Variants in FAAP100 observed in about 807,000 individuals in gnomAD.
The protein encoded by FAAP100 is Fanconi anemia core complex-associated protein 100.
Under a neutral mutation model 65.8 loss-of-function variants are expected in FAAP100, and 46 were observed. The observed-to-expected ratio is 0.70, with a 90% CI of 0.55 to 0.89. The LOEUF is 0.89. Among genes scored for constraint, FAAP100 ranks in the 40% least tolerant of loss-of-function variants. FAAP100 has a pLI of 0.00. For synonymous variants in FAAP100, 663 were observed against 555.1 expected (o/e 1.19, Z -2.73); for missense variants, 1,165 against 1,196.7 (o/e 0.97, Z 0.39).
intron 2 of FAAP100, 92 bp downstream of exon 2, chr17:81,551,836 G>A (rs1376999791): frequency 2.9e-6 from 4 of 1,397,806 alleles, no homozygotes; most frequent in Non-Finnish European, 3.7e-6. Flanking sequence ...GGCAGCCCGG[G>A]TCCCCAAGCG....
intron 8 of FAAP100, 143 bp downstream of exon 8, chr17:81,541,166 C>T (rs2033079931): frequency 2.7e-6 from 3 of 1,123,874 alleles, no homozygotes; most frequent in South Asian, 1.5e-5. Context: ...GCCATGGCCG[C>T]TCGGACTTTG....
intron 5 of FAAP100, 123 bp from the exon 6 acceptor site, chr17:81,546,005 C>A: frequency 7.8e-7 from 1 of 1,278,946 alleles, no homozygotes; most frequent in Non-Finnish European, 1.0e-6. Context: ...CTAAGCATCC[C>A]AGCTGTCCCC....
In FAAP100 at chr17:81,541,344, C is replaced by A; in HGVS notation, c.2479G>T (p.Val827Leu). The change falls in exon 8 of 9, where the codon GTG becomes TTG. Residue 827 changes from valine (V) to leucine (L), a missense_variant. Val to Leu is a conservative substitution (Grantham distance 32). Coordinates refer to ENST00000327787, the MANE Select transcript of FAAP100 (RefSeq NM_025161.6). The stretch of plus-strand genomic sequence containing the variant: ...GCGTGGATCTGGCGGAGGTACTGCA[C>A]ACGGAGATCAGGAGCGCTGGAGCCC... The part of the protein sequence containing the change: ...TQGSSAPDLR[V>L]QYLRQIHANH... The A allele has an allele frequency of 6.2e-7, 1 of 1,611,904 alleles. No individual in the cohort carries two copies. Among genetic ancestry groups the A allele is most frequent in the Non-Finnish European group, 8.5e-7 (1 of 1,179,860 alleles).
chr17:81,548,483 A>G (rs56737642), intron 4 of FAAP100: 59,810 of 160,992 alleles, frequency 0.37, 12,532 homozygotes, highest in Non-Finnish European at 0.48. Flanking sequence ...TCACGCCTGT[A>G]ATCCCAGCAC....
At position 81,543,404 on chromosome 17, in the gene FAAP100, C is replaced by T. The variant is rs534871329; in HGVS notation, c.2427+600G>A. On this transcript the variant is annotated intron_variant, in intron 7 of 8. Coordinates refer to ENST00000327787, the MANE Select transcript of FAAP100 (RefSeq NM_025161.6). The stretch of plus-strand genomic sequence containing the variant: ...AAAGCTGCGCTACAGTCCTAGCGGG[C>T]GGGCGTGACGGATGCCTTCCCGCGG... 6.6e-5 allele frequency among the ~76,000 whole-genome samples: 10 copies of T among 152,324 alleles called. No homozygotes were observed. The South Asian group carries it at 1.2e-3, about 19-fold the overall frequency.
intron 2 of FAAP100, among the ~76,000 whole-genome samples, 170 bp from the exon 3 acceptor site, chr17:81,551,373 T>A (rs573673278): frequency 3.3e-5 from 5 of 152,324 alleles, no homozygotes; most frequent in African/African-American, 1.2e-4. Context: ...CGAAGGATAC[T>A]CTTGACAAGA....
intron 5 of FAAP100, 24 bp from the exon 6 acceptor site, chr17:81,545,906 AGCTCAGCCTGATCCTACCAGGTGG>A: frequency 6.3e-7 from 1 of 1,594,674 alleles, no homozygotes; most frequent in South Asian, 1.1e-5. Context: ...ATCAGCCGAG[AGCTCAGCCTGATCCTACCAGGTGG>A]GCTCAGCCGA....
In FAAP100 at chr17:81,552,249, C is replaced by G. The variant is rs189173983; in HGVS notation, c.82G>C (p.Val28Leu). Residue 28 changes from valine to leucine, a missense_variant, in exon 1 of 9, where the codon GTG becomes CTG. Transcript: ENST00000327787. ...LGGLAAGKPRVLCHEAEVFLS... is the reference protein window; with the variant it reads ...LGGLAAGKPRLLCHEAEVFLS... ...AAGACCTCTGCCTCATGGCACAGCA[C>G]GCGGGGCTTGCCCGCCGCCAGGCCC... 1.5e-3 allele frequency: 2,284 copies of G among 1,484,786 alleles called. 14 individuals are homozygous for G. The African/African-American group carries it at 0.017, about 11-fold the overall frequency. 92.0% of individuals were successfully genotyped at this position (1,484,786 alleles called of 1,614,324 possible). A position where few individuals can be genotyped will look rare whatever the true frequency, so the allele number is the denominator to read the frequency against.
In FAAP100 at chr17:81,550,771, G is replaced by A. The variant is rs766595162; in HGVS notation, c.723C>T (p.Val241=). 7.4e-6 allele frequency: 12 copies of A among 1,612,648 alleles called. No homozygotes were observed. The South Asian group carries it at 1.2e-4, about 16-fold the overall frequency. ...GCTGGCCATCAGGGAGACCACAGAG[G>A]ACCACAGGTGACTGCAGGAGGGTGG... The part of the protein sequence containing the change: ...ADATLLQSPV[V]LCGLPDGQLC... The change falls in exon 3 of 9, where the codon GTC becomes GTT. Residue 241 remains valine, a synonymous_variant. Transcript: ENST00000327787.
At chr17:81,544,411 A>C (rs1162168877) in intron 6 of FAAP100, among the ~76,000 whole-genome samples, 1 of 152,232 alleles carries the variant, frequency 6.6e-6, no homozygotes, top group Non-Finnish European at 1.5e-5. Flanking sequence ...GCCTCGAGCC[A>C]GACTGGGGCC....
intron 5 of FAAP100, 46 bp from the exon 6 acceptor site, chr17:81,545,928 T>A (rs1020491643): frequency 6.3e-7 from 1 of 1,577,080 alleles, no homozygotes; most frequent in Admixed American, 1.7e-5. Context: ...TCCTACCAGG[T>A]GGGCTCAGCC....
chr17:81,549,128 A>T, intron 4 of FAAP100, 78 bp downstream of exon 4: 5 of 1,521,408 alleles, frequency 3.3e-6, no homozygotes, highest in Non-Finnish European at 4.4e-6. Flanking sequence ...ACTCACACCC[A>T]GGACGACCCC....
At chr17:81,549,492 G>A (rs1827294739) in intron 3 of FAAP100, 130 bp from the exon 4 acceptor site, 2 of 1,222,604 alleles carry the variant, frequency 1.6e-6, no homozygotes, top group Non-Finnish European at 2.2e-6. Flanking sequence ...GTGAGGAAGA[G>A]AAAGTCCCAA....
Position 81,547,184 on chromosome 17 carries a change from G to T in FAAP100, c.1898C>A (p.Pro633His), listed in dbSNP as rs2033336175. ...GGGCAGGCAAACACCCTCTTGCTCG[G>T]GCAGGACGTCGGAGGGGCACTCATC... ...FLDECPSDVL[P>H]EQEGVCLPLS... Residue 633 changes from proline (P) to histidine (H), a missense_variant, in exon 5 of 9, where the codon CCC becomes CAC. Transcript: ENST00000327787. 1 of 1,553,298 alleles carries T rather than the reference G, an allele frequency of 6.4e-7. No individual in the cohort carries two copies. Among genetic ancestry groups the T allele is most frequent in the Admixed American group, 1.8e-5 (1 of 54,242 alleles).
intron 7 of FAAP100, among the ~76,000 whole-genome samples, chr17:81,542,860 G>GACTT (rs2033165863): frequency 6.6e-6 from 1 of 152,238 alleles, no homozygotes; most frequent in South Asian, 2.1e-4. Flanking sequence ...CAGGGGATGG[G>GACTT]ACTTTCTTGG....
At chr17:81,542,068 G>C (rs1173929091) in intron 7 of FAAP100, among the ~76,000 whole-genome samples, 1 of 147,472 alleles carries the variant, frequency 6.8e-6, no homozygotes, top group African/African-American at 2.5e-5. Context: ...TTGGGAGGCT[G>C]AGGCAGGAGA....
At chr17:81,548,306 C>T (rs149757759) in intron 4 of FAAP100, 3 of 414,176 alleles carry the variant, frequency 7.2e-6, no homozygotes, top group Non-Finnish European at 1.3e-5. Flanking sequence ...AGGGTGAGGA[C>T]TCAGCAGGGG....
At chr17:81,545,950 G>A in intron 5 of FAAP100, 68 bp from the exon 6 acceptor site, 2 of 1,534,284 alleles carry the variant, frequency 1.3e-6, no homozygotes, top group Non-Finnish European at 1.7e-6. Context: ...ATCCTACCAG[G>A]TGGGCATCTG....
rs1325187715 is a variant in FAAP100, at chr17:81,550,250, T to C, written c.1244A>G (p.Glu415Gly). 6.3e-7 allele frequency: 1 copy of C among 1,595,260 alleles called. No homozygotes were observed. The highest frequency in any genetic ancestry group is 1.7e-5 in the Admixed American group (1 of 57,754). ...VSLSASPRTH[E>G]GGTKLLALSA... ...TCATTTTAGACAGCAGCTCATACCT[T>C]CATGCGTCCTGGGAGACGCGGACAG... The change falls in exon 3 of 9, where the codon GAA becomes GGA. Residue 415 changes from glutamate (E) to glycine (G), a missense_variant and splice_region_variant. Physicochemically the swap from Glu to Gly is moderately conservative, Grantham distance 98. Coordinates refer to ENST00000327787, the MANE Select transcript of FAAP100 (RefSeq NM_025161.6).
Sources: gnomAD v4.1 joint callset for allele counts (sites outside exome capture counted in the v4.1 genomes callset) on GRCh38, gnomAD v4.1.1 for gene constraint, MANE v1.5 for transcripts, NCBI Gene and HGNC (gene_info 2026-07-23, HGNC 2026-07-21) for gene names.